ERBB4: variants seen among roughly 807,000 people sequenced by gnomAD.
ERBB4 encodes erb-b2 receptor tyrosine kinase 4.
In ERBB4, 42 loss-of-function variants were observed where a neutral mutation model predicts 158.0. That is an observed-to-expected ratio of 0.27 (90% confidence interval 0.21 to 0.34). ERBB4 has a LOEUF of 0.34. ERBB4 is among the 10% of genes least tolerant of loss of function. The pLI is 1.00. For missense variants in ERBB4, 1,333 were observed against 1,624.1 expected (o/e 0.82, Z 3.08); for synonymous variants, 583 against 558.7 (o/e 1.04, Z -0.61).
chr2:211,998,693 T>C (rs2076029977), intron 2 of ERBB4, among the ~76,000 whole-genome samples: 1 of 151,932 alleles, frequency 6.6e-6, no homozygotes, highest in Non-Finnish European at 1.5e-5. Flanking sequence ...GCAACAAATG[T>C]CAATGGCCAA....
At chr2:212,219,967 AAAG>A in intron 1 of ERBB4, among the ~76,000 whole-genome samples, 2 of 151,182 alleles carry the variant, frequency 1.3e-5, no homozygotes, top group African/African-American at 4.8e-5. Flanking sequence ...AAAAAAAAAA[AAAG>A]TGGGATTTTT....
At chr2:211,856,934 G>C (rs1481033768) in intron 3 of ERBB4, among the ~76,000 whole-genome samples, 1 of 152,046 alleles carries the variant, frequency 6.6e-6, no homozygotes, top group African/African-American at 2.4e-5. Flanking sequence ...TAGATCTTTA[G>C]TAAATCTCAG....
chr2:211,788,872 A>G (rs955756104), intron 3 of ERBB4, among the ~76,000 whole-genome samples: 4 of 152,180 alleles, frequency 2.6e-5, no homozygotes, highest in Admixed American at 2.6e-4. Flanking sequence ...AATTATTCTT[A>G]ACAACACAAA....
intron 20 of ERBB4, among the ~76,000 whole-genome samples, chr2:211,536,640 G>T (rs767325936): frequency 6.6e-6 from 1 of 152,010 alleles, no homozygotes; most frequent in Non-Finnish European, 1.5e-5. Flanking sequence ...ATGGAGGGAG[G>T]TTCTTGAAAT....
chr2:212,104,850 A>G (rs1284097142), intron 2 of ERBB4, among the ~76,000 whole-genome samples: 2 of 152,160 alleles, frequency 1.3e-5, no homozygotes, highest in Non-Finnish European at 2.9e-5. Flanking sequence ...AATTTCTATT[A>G]TATGTCAGGC....
At chr2:211,868,547 A>C (rs894517522) in intron 3 of ERBB4, among the ~76,000 whole-genome samples, 11 of 152,168 alleles carry the variant, frequency 7.2e-5, no homozygotes, top group African/African-American at 2.7e-4. Flanking sequence ...AATAATACAG[A>C]ATTATCTTTG....
intron 1 of ERBB4, among the ~76,000 whole-genome samples, chr2:212,439,774 G>T (rs2092215303): frequency 1.3e-5 from 2 of 152,048 alleles, no homozygotes; most frequent in African/African-American, 4.8e-5. Flanking sequence ...GAAGATGCAG[G>T]TTGTCATTCC....
At chr2:211,679,422 A>AT (rs988593392) in intron 12 of ERBB4, among the ~76,000 whole-genome samples, 1 of 152,174 alleles carries the variant, frequency 6.6e-6, no homozygotes, top group Admixed American at 6.5e-5. Context: ...ACAAAAGTGA[A>AT]TTGCCTATAT....
intron 20 of ERBB4, among the ~76,000 whole-genome samples, chr2:211,521,859 T>C (rs1041909202): frequency 2.6e-5 from 4 of 152,144 alleles, no homozygotes; most frequent in African/African-American, 9.6e-5. Flanking sequence ...AGCACATCTG[T>C]TGTCAGCATG....
intron 2 of ERBB4, among the ~76,000 whole-genome samples, chr2:212,067,947 T>C (rs1359708632): frequency 6.6e-6 from 1 of 151,992 alleles, no homozygotes; most frequent in African/African-American, 2.4e-5. Context: ...CAAAAATAAA[T>C]ACATTGGGTA....
intron 19 of ERBB4, among the ~76,000 whole-genome samples, chr2:211,562,933 G>T (rs1361762200): frequency 6.6e-6 from 1 of 151,652 alleles, no homozygotes; most frequent in African/African-American, 2.4e-5. Context: ...CACTACGCCC[G>T]GCTAATGTTT....
chr2:212,453,264 A>G (rs1421885736), intron 1 of ERBB4, among the ~76,000 whole-genome samples: 1 of 152,166 alleles, frequency 6.6e-6, no homozygotes, highest in Non-Finnish European at 1.5e-5. Flanking sequence ...TTGCAAGTCT[A>G]CTTTGTAAAG....
intron 3 of ERBB4, among the ~76,000 whole-genome samples, chr2:211,933,128 C>A (rs1222557957): frequency 1.3e-5 from 2 of 151,976 alleles, no homozygotes; most frequent in African/African-American, 4.8e-5. Context: ...GACACTAATT[C>A]TTGATTCACC....
chr2:211,546,836 C>G (rs62180211), intron 20 of ERBB4, among the ~76,000 whole-genome samples: 1 of 152,012 alleles, frequency 6.6e-6, no homozygotes, highest in East Asian at 1.9e-4. Context: ...CCCATTTTAG[C>G]GTGCAAAACA....
At chr2:212,496,339 C>T (rs952832929) in intron 1 of ERBB4, among the ~76,000 whole-genome samples, 2 of 151,520 alleles carry the variant, frequency 1.3e-5, no homozygotes, top group Admixed American at 6.6e-5. Flanking sequence ...TTCATGTGCA[C>T]GTGCATGCAT....
chr2:212,174,250 C>T (rs532408972), intron 1 of ERBB4, among the ~76,000 whole-genome samples: 12 of 152,156 alleles, frequency 7.9e-5, no homozygotes, highest in African/African-American at 2.6e-4. Context: ...CAGCTTAATG[C>T]TATATTCATG....
chr2:212,049,983 G>A (rs1169272449), intron 2 of ERBB4, among the ~76,000 whole-genome samples: 1 of 152,058 alleles, frequency 6.6e-6, no homozygotes, highest in Non-Finnish European at 1.5e-5. Context: ...TAGGTAAAAG[G>A]TTGGAAAAAT....
At chr2:212,439,769 T>C (rs1447790053) in intron 1 of ERBB4, among the ~76,000 whole-genome samples, 1 of 152,126 alleles carries the variant, frequency 6.6e-6, no homozygotes, top group Non-Finnish European at 1.5e-5. Flanking sequence ...TCTAAGAAGA[T>C]GCAGGTTGTC....
At chr2:211,777,742 C>A (rs1422604601) in intron 4 of ERBB4, 1 of 152,154 alleles carries the variant, frequency 6.6e-6, no homozygotes. Flanking sequence ...TTCCCCACAT[C>A]TAATAATATG....
Sources: allele counts gnomAD v4.1 joint callset (sites outside exome capture counted in the v4.1 genomes callset), GRCh38; gene constraint gnomAD v4.1.1; transcripts MANE v1.5; gene names NCBI Gene and HGNC (gene_info 2026-07-23, HGNC 2026-07-21).